COL24A1: variants seen among roughly 807,000 people sequenced by gnomAD.
COL24A1 encodes collagen type XXIV alpha 1 chain.
In COL24A1, 224 loss-of-function variants were observed where a neutral mutation model predicts 253.9. That is an observed-to-expected ratio of 0.88 (90% CI 0.79 to 0.99). The LOEUF is 0.99. Ranked by LOEUF, COL24A1 falls within the 50% of genes least tolerant of loss-of-function variation. The pLI is 0.00. For synonymous variants in COL24A1, 685 were observed against 673.7 expected, an observed-to-expected ratio of 1.02 and a Z score of -0.26; for missense variants, 2,131 against 2,068.5, an observed-to-expected ratio of 1.03 and a Z score of -0.59.
At chr1:85,845,332 T>TA (rs1677049236) in intron 39 of COL24A1, among the ~76,000 whole-genome samples, 1 of 151,918 alleles carries the variant, frequency 6.6e-6, no homozygotes, top group South Asian at 2.1e-4. Context: ...TGGGATTATC[T>TA]AAAAAAATGT....
intron 45 of COL24A1, among the ~76,000 whole-genome samples, chr1:85,820,621 C>G (rs1438998481): frequency 6.6e-6 from 1 of 152,188 alleles, no homozygotes; most frequent in East Asian, 1.9e-4. Flanking sequence ...GCCTTCCCTA[C>G]CATCTGTAAC....
At chr1:85,801,449 T>G (rs1558178697) in intron 47 of COL24A1, among the ~76,000 whole-genome samples, 1 of 152,220 alleles carries the variant, frequency 6.6e-6, no homozygotes, top group African/African-American at 2.4e-5. Flanking sequence ...CCTTCTGTCT[T>G]TGGCATTCCA....
chr1:86,089,344 T>A (rs1429841546), intron 6 of COL24A1, 117 bp from the exon 7 acceptor site: 2 of 810,338 alleles, frequency 2.5e-6, no homozygotes, highest in Non-Finnish European at 4.0e-6. Context: ...TCATTTCCAA[T>A]CTTCACAATC....
Position 85,825,848 on chromosome 1 carries a change from C to T in COL24A1, c.3682-2110G>A, listed in dbSNP as rs368238661. Among the ~76,000 whole-genome samples the T allele has an allele frequency of 9.8e-5, 9 of 92,242 alleles. No individual in the cohort carries two copies. The South Asian group carries it at 1.3e-3, about 14-fold the overall frequency. 60.5% of individuals were successfully genotyped at this position (92,242 alleles called of 152,430 possible). ...AGCCCTTTGTCAGATGAGTAGGTTG[C>T]GAAAATTTTCTCCCATTTTGTAGGT... On this transcript the variant is annotated intron_variant, in intron 43 of 59. Coordinates refer to ENST00000370571, the MANE Select transcript of COL24A1 (RefSeq NM_152890.7).
At chr1:85,933,252 A>G (rs998041931) in intron 24 of COL24A1, among the ~76,000 whole-genome samples, 21 of 152,232 alleles carry the variant, frequency 1.4e-4, no homozygotes, top group African/African-American at 5.1e-4. Flanking sequence ...TCTATTCAGT[A>G]TCTAATTTTT....
chr1:85,926,955 G>C (rs1039184713), intron 24 of COL24A1, among the ~76,000 whole-genome samples: 30 of 152,168 alleles, frequency 2.0e-4, no homozygotes, highest in Non-Finnish European at 2.8e-4. Flanking sequence ...TGAACATTAA[G>C]ACAAATTCAT....
In COL24A1 at chr1:85,741,281, T is replaced by C. The variant is rs540756027; in HGVS notation, c.4672+3385A>G. ...TCATTCATGGTGTTGTGTCAACTTG[T>C]GTGTTTGGTTGTTGATTGTGTGCTG... On this transcript the variant is annotated intron_variant, in intron 57 of 59. Coordinates refer to ENST00000370571, the MANE Select transcript of COL24A1 (RefSeq NM_152890.7). Among the ~76,000 whole-genome samples the C allele has an allele frequency of 4.4e-4, 67 of 152,316 alleles. 1 individual carries two copies. Among genetic ancestry groups the C allele is most frequent in the African/African-American group, 1.6e-3 (67 of 41,574 alleles).
At position 85,790,637 on chromosome 1, in the gene COL24A1, T is replaced by C. The variant is rs115334223; in HGVS notation, c.3952-4176A>G. 7.7e-3 allele frequency among the ~76,000 whole-genome samples: 884 copies of C among 114,970 alleles called. 3 individuals are homozygous for C. The highest frequency in any genetic ancestry group is 0.022 in the African/African-American group (834 of 37,868). The allele number at this position is 114,970 out of a possible 152,430, so 75.4% of individuals were successfully genotyped here. A position where few individuals can be genotyped will look rare whatever the true frequency, so the allele number is the denominator to read the frequency against. On this transcript the variant is annotated intron_variant, in intron 47 of 59. Coordinates refer to ENST00000370571, the MANE Select transcript of COL24A1 (RefSeq NM_152890.7). ...GTTATAGTGTTTCAAGTGGAACATA[T>C]ATTACTGTGACACTTTATTTTACGT... is the stretch of plus-strand genomic sequence containing the variant.
chr1:86,096,672 C>T (rs1571903407), intron 5 of COL24A1, among the ~76,000 whole-genome samples: 1 of 152,238 alleles, frequency 6.6e-6, no homozygotes, highest in East Asian at 1.9e-4. Flanking sequence ...CTCTCTCTGT[C>T]TTATAAGCTT....
intron 19 of COL24A1, among the ~76,000 whole-genome samples, chr1:86,004,314 TACAGAATGCCTGATCC>T (rs1479940600): frequency 6.6e-6 from 1 of 152,124 alleles, no homozygotes; most frequent in Non-Finnish European, 1.5e-5. Context: ...TCTAGAGGCT[TACAGAATGCCTGATCC>T]ACAGACATGA....
Position 85,868,522 on chromosome 1 carries a change from A to C in COL24A1, c.3297T>G (p.Leu1099=). 6.2e-7 allele frequency: 1 copy of C among 1,611,214 alleles called. No individual in the cohort carries two copies. The highest frequency in any genetic ancestry group is 8.5e-7 in the Non-Finnish European group (1 of 1,177,492). The change falls in exon 37 of 60, where the codon CTT becomes CTG. Residue 1099 remains leucine, a synonymous_variant. Transcript: ENST00000370571. ...AAGTGAACCCAGCAGTACTTACCGG[A>C]AGGCCTGTTTGGCCTGATCTACCCA... The part of the protein sequence containing the change: ...GPLGRSGQTG[L]PGPEGIVGIP...
intron 2 of COL24A1, among the ~76,000 whole-genome samples, chr1:86,138,253 G>T (rs1650545964): frequency 6.6e-6 from 1 of 152,138 alleles, no homozygotes; most frequent in African/African-American, 2.4e-5. Context: ...AACTCTCTGA[G>T]TATAACGAAT....
At position 86,083,134 on chromosome 1, in the gene COL24A1, A is replaced by G. The variant is rs562796085; in HGVS notation, c.1707+6040T>C. Among the ~76,000 whole-genome samples, 76 of 152,012 alleles carry G rather than the reference A, an allele frequency of 5.0e-4. 1 individual carries two copies. In the South Asian group the frequency reaches 0.011, roughly 22 times the overall value. ...AACACGGTGAAACCCCGTCTCTATT[A>G]AAAATACAAAAAAATTAGCCAGGGG... On this transcript the variant is annotated intron_variant, in intron 7 of 59. Transcript: ENST00000370571.
chr1:85,794,492 T>C (rs1670619404), intron 47 of COL24A1, among the ~76,000 whole-genome samples: 1 of 152,188 alleles, frequency 6.6e-6, no homozygotes, highest in Non-Finnish European at 1.5e-5. Context: ...TTTAACCCAG[T>C]AGAATGAATA....
chr1:85,824,318 T>C lies in COL24A1; in HGVS notation c.3682-580A>G, dbSNP rs549922613. The stretch of plus-strand genomic sequence containing the variant: ...GAGCGTGGCCCTGTTGATCCCTTGA[T>C]TTTGGATTTCTGGTCTCTAGAACTG... On this transcript the variant is annotated intron_variant, in intron 43 of 59. Transcript: ENST00000370571. Among the ~76,000 whole-genome samples, 368 of 152,330 alleles carry C rather than the reference T, an allele frequency of 2.4e-3. 3 individuals are homozygous for C. The highest frequency in any genetic ancestry group is 2.4e-3 in the Non-Finnish European group (160 of 68,022).
intron 19 of COL24A1, among the ~76,000 whole-genome samples, chr1:86,016,198 T>A (rs775643749): frequency 6.6e-6 from 1 of 151,974 alleles, no homozygotes; most frequent in Non-Finnish European, 1.5e-5. Context: ...CAATACCCAA[T>A]GTGTTTTGAA....
chr1:85,780,077 G>A (rs1668995176), intron 52 of COL24A1, among the ~76,000 whole-genome samples: 1 of 152,108 alleles, frequency 6.6e-6, no homozygotes, highest in African/African-American at 2.4e-5. Context: ...TTAGCTTGCT[G>A]AAGAACCACT....
At chr1:85,993,608 G>A (rs1284419372) in intron 19 of COL24A1, among the ~76,000 whole-genome samples, 3 of 151,938 alleles carry the variant, frequency 2.0e-5, no homozygotes, top group African/African-American at 4.8e-5. Context: ...TAAATTACTG[G>A]GTTTGACAGA....
At position 85,852,930 on chromosome 1, in the gene COL24A1, G is replaced by A. The variant is rs561133087; in HGVS notation, c.3301-3524C>T. On this transcript the variant is annotated intron_variant, in intron 37 of 59. Coordinates refer to ENST00000370571, the MANE Select transcript of COL24A1 (RefSeq NM_152890.7). ...CTCTCGAGTTACTGGAAGTACAGGC[G>A]CATGCCACAGTAACCACAGTATTAT... is the stretch of plus-strand genomic sequence containing the variant. Among the ~76,000 whole-genome samples the A allele has an allele frequency of 1.4e-3, 211 of 152,224 alleles. 1 individual carries two copies. In the Middle Eastern group the frequency reaches 0.017, roughly 12 times the overall value.
Sources: allele counts gnomAD v4.1 joint callset (sites outside exome capture counted in the v4.1 genomes callset), GRCh38; gene constraint gnomAD v4.1.1; transcripts MANE v1.5; gene names NCBI Gene and HGNC (gene_info 2026-07-23, HGNC 2026-07-21).